FAM53B: variants seen among roughly 807,000 people sequenced by gnomAD.
FAM53B encodes protein FAM53B.
A neutral mutation model predicts 32.7 loss-of-function variants in FAM53B; 12 were observed. That is an observed-to-expected ratio of 0.37 (90% confidence interval 0.24 to 0.59). The LOEUF is 0.59. FAM53B is among the 20% of genes least tolerant of loss of function. FAM53B has a pLI of 0.72. For missense variants in FAM53B, 477 were observed against 577.7 expected (o/e 0.83, Z 1.79); for synonymous variants, 234 against 228.7 (o/e 1.02, Z -0.21).
At chr10:124,638,688 C>T (rs1286977510) in intron 4 of FAM53B, among the ~76,000 whole-genome samples, 1 of 152,230 alleles carries the variant, frequency 6.6e-6, no homozygotes, top group African/African-American at 2.4e-5. Flanking sequence ...AGACCCCAGG[C>T]ATGCTGGGGC....
At chr10:124,742,712 G>T (rs10901814) in intron 1 of FAM53B, 1 of 152,220 alleles carries the variant, frequency 6.6e-6, no homozygotes, top group South Asian at 2.1e-4. Context: ...ATTTGTTCCT[G>T]TTGAACAACC....
intron 4 of FAM53B, among the ~76,000 whole-genome samples, chr10:124,628,382 C>G (rs3781472): frequency 6.6e-6 from 1 of 151,992 alleles, no homozygotes; most frequent in Non-Finnish European, 1.5e-5. Context: ...TTGCCTCCTC[C>G]GAAGGAGGCT....
chr10:124,723,352 A>G (rs1384341784), intron 1 of FAM53B, among the ~76,000 whole-genome samples: 1 of 152,228 alleles, frequency 6.6e-6, no homozygotes, highest in Non-Finnish European at 1.5e-5. Context: ...GGGGTTTCCG[A>G]TAGCTATCAA....
Position 124,682,753 on chromosome 10 carries a change from CTGA to C in FAM53B, c.134-377_134-375del, listed in dbSNP as rs1564876898. Among the ~76,000 whole-genome samples, 1 of 152,244 alleles carries C rather than the reference CTGA, an allele frequency of 6.6e-6. No homozygotes were observed. The highest frequency in any genetic ancestry group is 2.4e-5 in the African/African-American group (1 of 41,458). ...GACTTGCCCTGAACCCTGCCCCTGG[CTGA>C]TGAGAGAGTCGGGACAAGACATCTG... is the stretch of plus-strand genomic sequence containing the variant. On this transcript the variant is annotated intron_variant, in intron 3 of 4. Coordinates refer to ENST00000337318, the MANE Select transcript of FAM53B (RefSeq NM_014661.4). This position sits in a 1 kb window ranked among gnomAD's most constrained non-coding sequence, Gnocchi z 5.2.
At chr10:124,696,690 C>A (rs1011337399) in intron 2 of FAM53B, among the ~76,000 whole-genome samples, 1 of 152,140 alleles carries the variant, frequency 6.6e-6, no homozygotes, top group African/African-American at 2.4e-5. Flanking sequence ...AGCTCTCCCG[C>A]TCTGGTGAGA....
chr10:124,662,902 T>C (rs1672751575), intron 4 of FAM53B, among the ~76,000 whole-genome samples: 1 of 152,220 alleles, frequency 6.6e-6, no homozygotes, highest in South Asian at 2.1e-4. Flanking sequence ...GTACAGGCCC[T>C]GGCCTCAAGG....
intron 4 of FAM53B, among the ~76,000 whole-genome samples, chr10:124,664,433 C>T (rs1949655485): frequency 6.6e-6 from 1 of 152,218 alleles, no homozygotes. Context: ...TGGGGAGCTT[C>T]AACACTGGGC....
In FAM53B at chr10:124,667,471, C is replaced by T. The variant is rs892877227; in HGVS notation, c.906+14136G>A. Reference sequence around the variant, plus strand: ...GTTTCTTCTGCAAATCATCCCCCACCTCACCTGCCAACAGTCAGCAGCCCA... The same window carrying T: ...GTTTCTTCTGCAAATCATCCCCCACTTCACCTGCCAACAGTCAGCAGCCCA... On this transcript the variant is annotated intron_variant, in intron 4 of 4. Coordinates refer to ENST00000337318, the MANE Select transcript of FAM53B (RefSeq NM_014661.4). 17 of 743,942 alleles carry T rather than the reference C, an allele frequency of 2.3e-5. No individual in the cohort carries two copies. The African/African-American group carries it at 2.6e-4, about 11-fold the overall frequency. The allele number at this position is 743,942 out of a possible 1,614,324, so 46.1% of individuals were successfully genotyped here.
At chr10:124,723,755 C>A (rs1950084496) in intron 1 of FAM53B, among the ~76,000 whole-genome samples, 1 of 152,236 alleles carries the variant, frequency 6.6e-6, no homozygotes, top group Non-Finnish European at 1.5e-5. Context: ...TGCAGGAACC[C>A]CAGTGGGACA....
intron 4 of FAM53B, 34 bp from the exon 5 acceptor site, chr10:124,623,638 T>C (rs1589727864): frequency 6.3e-7 from 1 of 1,585,574 alleles, no homozygotes; most frequent in East Asian, 2.2e-5. Flanking sequence ...TTACTAAGGG[T>C]TACTCCCCTC....
chr10:124,698,723 C>T (rs1320989753), intron 2 of FAM53B, among the ~76,000 whole-genome samples: 1 of 152,112 alleles, frequency 6.6e-6, no homozygotes, highest in East Asian at 1.9e-4. Flanking sequence ...CCCCAGTGAA[C>T]GCCCCTCCTA....
intron 1 of FAM53B, among the ~76,000 whole-genome samples, chr10:124,716,928 T>C (rs1333860136): frequency 6.6e-6 from 1 of 152,110 alleles, no homozygotes; most frequent in Non-Finnish European, 1.5e-5. Flanking sequence ...TCTACTATCA[T>C]GTTAAGCCAC....
At chr10:124,676,763 AC>A (rs1265259020) in intron 4 of FAM53B, among the ~76,000 whole-genome samples, 1 of 151,658 alleles carries the variant, frequency 6.6e-6, no homozygotes, top group African/African-American at 2.4e-5. Context: ...TCCTGGACTC[AC>A]CCCCAGGAAT....
At chr10:124,702,414 T>C (rs954672922) in intron 2 of FAM53B, among the ~76,000 whole-genome samples, 5 of 152,252 alleles carry the variant, frequency 3.3e-5, no homozygotes, top group Non-Finnish European at 5.9e-5. Context: ...CATCAGCTTA[T>C]CTCACATTCT....
intron 3 of FAM53B, among the ~76,000 whole-genome samples, chr10:124,689,116 A>G (rs4962684): frequency 0.93 from 141,030 of 152,244 alleles, 65,961 homozygotes; most frequent in Non-Finnish European, 0.99. Flanking sequence ...CCTGCCCTGT[A>G]GGTTGGGTTG....
chr10:124,632,236 C>T lies in FAM53B; in HGVS notation c.907-8632G>A, dbSNP rs1191912618. Among the ~76,000 whole-genome samples the T allele has an allele frequency of 2.0e-5, 3 of 152,272 alleles. No individual in the cohort carries two copies. The East Asian group carries it at 5.8e-4, about 29-fold the overall frequency. ...TGCCCGAACACAGAAGGTGTGGGAGCTGACGCCAAAGGGCCTCCCGGTGCT... is the reference window on the plus strand; with the variant it reads ...TGCCCGAACACAGAAGGTGTGGGAGTTGACGCCAAAGGGCCTCCCGGTGCT... On this transcript the variant is annotated intron_variant, in intron 4 of 4. Transcript: ENST00000337318.
intron 1 of FAM53B, among the ~76,000 whole-genome samples, chr10:124,711,771 G>A (rs1950005416): frequency 6.6e-6 from 1 of 152,194 alleles, no homozygotes; most frequent in South Asian, 2.1e-4. Context: ...ATGGGGCTGA[G>A]GCTGGTCACA....
intron 4 of FAM53B, among the ~76,000 whole-genome samples, chr10:124,631,695 C>T (rs968082252): frequency 6.6e-5 from 10 of 152,146 alleles, no homozygotes; most frequent in Admixed American, 3.9e-4. Flanking sequence ...CCTTGCTGCT[C>T]CCACTCAGGC....
chr10:124,675,419 G>A (rs574477773), intron 4 of FAM53B, among the ~76,000 whole-genome samples: 3 of 152,294 alleles, frequency 2.0e-5, no homozygotes, highest in East Asian at 3.9e-4. Context: ...GAGCAGCAGA[G>A]GGTGTGGGGC....
Sources: gnomAD v4.1 joint callset for allele counts (sites outside exome capture counted in the v4.1 genomes callset) on GRCh38, gnomAD v4.1.1 for gene constraint, Gnocchi (gnomAD v3.1) non-coding constraint, MANE v1.5 for transcripts, NCBI Gene and HGNC (gene_info 2026-07-23, HGNC 2026-07-21) for gene names.